IYD: variants seen among roughly 807,000 people sequenced by gnomAD.
IYD encodes the protein iodotyrosine deiodinase 1.
A neutral mutation model predicts 28.4 loss-of-function variants in IYD; 25 were observed. That is an observed-to-expected ratio of 0.88 (90% CI 0.64 to 1.23). The LOEUF (loss-of-function observed/expected upper bound fraction) is 1.23, where lower values mean the gene tolerates loss of function less well. Among genes scored for constraint, IYD ranks in the 50% most tolerant of loss-of-function variants. The pLI, the probability that IYD is intolerant of heterozygous loss-of-function variation, is 0.00. For missense variants in IYD, 352 were observed against 357.9 expected, an observed-to-expected ratio of 0.98 and a Z score of 0.13; for synonymous variants, 140 against 130.8, an observed-to-expected ratio of 1.07 and a Z score of -0.48.
chr6:150,392,407 G>A lies in IYD; in HGVS notation c.433G>A (p.Val145Met), dbSNP rs766688580. The change falls in exon 3 of 5, where the codon GTG becomes ATG. Residue 145 changes from valine (V) to methionine (M), a missense_variant. Coordinates refer to ENST00000344419, the MANE Select transcript of IYD (RefSeq NM_203395.3). ...CTTCGTGGTTGTGAAGGACCCAGACGTGAAGCACAAGATTCGAAAGATCAT... is the reference window on the plus strand; with the variant it reads ...CTTCGTGGTTGTGAAGGACCCAGACATGAAGCACAAGATTCGAAAGATCAT... The part of the protein sequence containing the change: ...WTFVVVKDPD[V>M]KHKIRKIIEE... 56 of 1,613,792 alleles carry A rather than the reference G, an allele frequency of 3.5e-5. No homozygotes were observed. Among genetic ancestry groups the A allele is most frequent in the Non-Finnish European group, 4.5e-5 (53 of 1,179,866 alleles).
chr6:150,388,629 TG>T lies in IYD; in HGVS notation c.179-722del, dbSNP rs1273115195. On this transcript the variant is annotated intron_variant, in intron 1 of 4. Transcript: ENST00000344419. ...TTCTAGATTTATAGTCTGGAGTTTTTGCTTTCTTTCTTTCTTTCTTTCTTTC... is the reference window on the plus strand; with the variant it reads ...TTCTAGATTTATAGTCTGGAGTTTTTCTTTCTTTCTTTCTTTCTTTCTTTC... Among the ~76,000 whole-genome samples the T allele has an allele frequency of 8.9e-3, 1,199 of 134,568 alleles. 27 individuals are homozygous for T. The highest frequency in any genetic ancestry group is 0.047 in the East Asian group (203 of 4,308). The allele number at this position is 134,568 out of a possible 152,430, so 88.3% of individuals were successfully genotyped here.
chr6:150,376,197 C>G (rs923794476), intron 1 of IYD, among the ~76,000 whole-genome samples: 7 of 152,126 alleles, frequency 4.6e-5, no homozygotes, highest in African/African-American at 1.7e-4. Context: ...CAGTTTGGGC[C>G]AAAACTGCTC....
chr6:150,392,291 AG>A, intron 2 of IYD, 53 bp from the exon 3 acceptor site: 1 of 1,610,156 alleles, frequency 6.2e-7, no homozygotes. Flanking sequence ...CTTAATTAGC[AG>A]TCTCACACTT....
At position 150,399,891 on chromosome 6, in the gene IYD, A is replaced by G. The variant is rs953927356; in HGVS notation, c.*1654A>G. 1.3e-5 allele frequency: 2 copies of G among 152,240 alleles called. No homozygotes were observed. Among genetic ancestry groups the G allele is most frequent in the African/African-American group, 4.8e-5 (2 of 41,422 alleles). The allele number at this position is 152,240 out of a possible 1,614,324, so 9.4% of individuals were successfully genotyped here. On this transcript the variant is annotated 3_prime_UTR_variant, in exon 5 of 5. Coordinates refer to ENST00000344419, the MANE Select transcript of IYD (RefSeq NM_203395.3). ...ATCACCTCCCAAAGGACCCCCTCCT[A>G]ATACCATCACATTGGGGGTTAGGGT...
chr6:150,388,664 T>TTTCTTTCTTTCTTTCTTTC lies in IYD; in HGVS notation c.179-680_179-662dup, dbSNP rs1491320915. On this transcript the variant is annotated intron_variant, in intron 1 of 4. Coordinates refer to ENST00000344419, the MANE Select transcript of IYD (RefSeq NM_203395.3). ...CTTTCTTTCTTTCTTTCTTTCTTTC[T>TTTCTTTCTTTCTTTCTTTC]TTCTTTCTTTCTTTCTTTCTTCTTT... is the stretch of plus-strand genomic sequence containing the variant. Among the ~76,000 whole-genome samples, 3 of 145,584 alleles carry TTTCTTTCTTTCTTTCTTTC rather than the reference T, an allele frequency of 2.1e-5. No homozygotes were observed. The East Asian group carries it at 6.0e-4, about 29-fold the overall frequency.
chr6:150,369,458 T>A (rs1777139879), intron 1 of IYD, among the ~76,000 whole-genome samples: 1 of 152,170 alleles, frequency 6.6e-6, no homozygotes, highest in South Asian at 2.1e-4. Context: ...GAGGCTGAAG[T>A]TTTCCCTGGC....
At position 150,402,647 on chromosome 6, in the gene IYD, G is replaced by A. The variant is rs1407543362; in HGVS notation, c.*4410G>A. On this transcript the variant is annotated 3_prime_UTR_variant, in exon 5 of 5. Transcript: ENST00000344419. ...TTTGTCTAATACAGCTTTAAATAGA[G>A]TATCACTTTGGGCCAAAGAAAATTG... The A allele has an allele frequency of 1.3e-5, 2 of 152,180 alleles. No homozygotes were observed. Among genetic ancestry groups the A allele is most frequent in the African/African-American group, 4.8e-5 (2 of 41,458 alleles). The allele number at this position is 152,180 out of a possible 1,614,324, so 9.4% of individuals were successfully genotyped here. A position where few individuals can be genotyped will look rare whatever the true frequency, so the allele number is the denominator to read the frequency against.
chr6:150,405,410 A>T lies in IYD; in HGVS notation c.*7173A>T, dbSNP rs922351211. 2.6e-5 allele frequency: 4 copies of T among 152,216 alleles called. No individual in the cohort carries two copies. The highest frequency in any genetic ancestry group is 5.9e-5 in the Non-Finnish European group (4 of 68,056). 9.4% of individuals were successfully genotyped at this position (152,216 alleles called of 1,614,324 possible). A position where few individuals can be genotyped will look rare whatever the true frequency, so the allele number is the denominator to read the frequency against. On this transcript the variant is annotated 3_prime_UTR_variant, in exon 5 of 5. Transcript: ENST00000344419. The stretch of plus-strand genomic sequence containing the variant: ...TTCATACTTTTTGGGATGGAGCCTC[A>T]AATCCAGAAATCTTCTGTATTAGTC...
chr6:150,370,246 T>C (rs796154752), intron 1 of IYD, among the ~76,000 whole-genome samples: 51 of 122,092 alleles, frequency 4.2e-4, no homozygotes, highest in African/African-American at 1.9e-3. Context: ...TGCATGAGAG[T>C]GGATGTGTGT....
intron 1 of IYD, among the ~76,000 whole-genome samples, chr6:150,386,589 C>A (rs931036801): frequency 6.6e-6 from 1 of 151,804 alleles, no homozygotes; most frequent in Non-Finnish European, 1.5e-5. Flanking sequence ...TGATTTTTTT[C>A]TTCTGCTTAT....
chr6:150,393,556 G>T (rs962700112), intron 3 of IYD, among the ~76,000 whole-genome samples: 1 of 152,292 alleles, frequency 6.6e-6, no homozygotes, highest in Non-Finnish European at 1.5e-5. Flanking sequence ...CAATATATGG[G>T]ATTATATGAC....
chr6:150,379,487 T>A (rs1457185987), intron 1 of IYD, among the ~76,000 whole-genome samples: 1 of 152,192 alleles, frequency 6.6e-6, no homozygotes, highest in South Asian at 2.1e-4. Context: ...CTTTGTACCA[T>A]CCCTTCTTAT....
At chr6:150,396,640 C>A (rs1367901570) in intron 4 of IYD, 2 of 444,400 alleles carry the variant, frequency 4.5e-6, no homozygotes, top group South Asian at 3.4e-5. Flanking sequence ...TTTGGGAGGC[C>A]AAGGCGGGCG....
intron 4 of IYD, among the ~76,000 whole-genome samples, chr6:150,395,143 A>G (rs1778265167): frequency 6.6e-6 from 1 of 152,212 alleles, no homozygotes; most frequent in African/African-American, 2.4e-5. Context: ...TCTACGTGGC[A>G]GTTCCTGGGA....
At chr6:150,371,897 C>T (rs1408394615) in intron 1 of IYD, among the ~76,000 whole-genome samples, 1 of 152,134 alleles carries the variant, frequency 6.6e-6, no homozygotes, top group African/African-American at 2.4e-5. Flanking sequence ...CCAGTGAGAA[C>T]CAATGCTTAA....
At position 150,402,928 on chromosome 6, in the gene IYD, A is replaced by C. The variant is rs652042; in HGVS notation, c.*4691A>C. 0.6 allele frequency: 75,702 copies of C among 126,618 alleles called. 19,963 individuals carry two copies. Among genetic ancestry groups the C allele is most frequent in the Non-Finnish European group, 0.67 (40,893 of 61,426 alleles). The allele number at this position is 126,618 out of a possible 1,614,324, so 7.8% of individuals were successfully genotyped here. On this transcript the variant is annotated 3_prime_UTR_variant, in exon 5 of 5. Transcript: ENST00000344419. ...ATTTACAAACTTACAAAGATGATCC[A>C]CCAATAGTTTTCTCTATTTACTTTA...
At chr6:150,380,260 A>G (rs992435897) in intron 1 of IYD, among the ~76,000 whole-genome samples, 2 of 152,206 alleles carry the variant, frequency 1.3e-5, no homozygotes, top group Non-Finnish European at 2.9e-5. Context: ...CCAACTAATC[A>G]TACCCACCAG....
intron 1 of IYD, among the ~76,000 whole-genome samples, chr6:150,382,130 C>T (rs1322552489): frequency 6.6e-6 from 1 of 152,128 alleles, no homozygotes; most frequent in Admixed American, 6.5e-5. Flanking sequence ...AGCTATCTCT[C>T]CCGAGATCCC....
Position 150,402,386 on chromosome 6 carries a change from G to A in IYD, c.*4149G>A, listed in dbSNP as rs1366618186. 1.3e-5 allele frequency: 2 copies of A among 152,244 alleles called. No individual in the cohort carries two copies. Among genetic ancestry groups the A allele is most frequent in the African/African-American group, 2.4e-5 (1 of 41,448 alleles). 9.4% of individuals were successfully genotyped at this position (152,244 alleles called of 1,614,324 possible). On this transcript the variant is annotated 3_prime_UTR_variant, in exon 5 of 5. Transcript: ENST00000344419. Reference sequence around the variant, plus strand: ...AACTAGTCATGTGACCTCACAGGAGGTGGAGCAGTGTCGTCAATGTTATCA... The same window carrying A: ...AACTAGTCATGTGACCTCACAGGAGATGGAGCAGTGTCGTCAATGTTATCA...
Sources: allele counts gnomAD v4.1 joint callset (sites outside exome capture counted in the v4.1 genomes callset), GRCh38; gene constraint gnomAD v4.1.1; transcripts MANE v1.5; gene names NCBI Gene and HGNC (gene_info 2026-07-23, HGNC 2026-07-21).